RIBC1: variants seen among roughly 807,000 people sequenced by gnomAD.
RIBC1 encodes RIB43A-like with coiled-coils protein 1.
A neutral mutation model predicts 33.7 loss-of-function variants in RIBC1; 12 were observed. That is an observed-to-expected ratio of 0.36 (90% CI 0.23 to 0.58). The LOEUF is 0.58. Among genes scored for constraint, RIBC1 ranks in the 20% least tolerant of loss-of-function variants. The pLI is 0.81. For missense variants in RIBC1, 242 were observed against 311.6 expected, an observed-to-expected ratio of 0.78 and a Z score of 1.68; for synonymous variants, 89 against 109.0, an observed-to-expected ratio of 0.82 and a Z score of 1.14.
At chrX:53,430,330 C>G in intron 6 of RIBC1, 66 bp from the exon 7 acceptor site, 1 of 943,908 alleles carries the variant, frequency 1.1e-6, no homozygotes, top group South Asian at 2.3e-5. Context: ...CCATGTTCCC[C>G]CCTCCCCTGT....
chrX:53,426,415 T>C, intron 3 of RIBC1, 22 bp downstream of exon 3: 1 of 1,031,745 alleles, frequency 9.7e-7, no homozygotes, highest in South Asian at 2.0e-5. Context: ...GTAGGGACTG[T>C]TGCTCAGGAT....
At chrX:53,426,179 A>T (rs1442754333) in intron 2 of RIBC1, 98 bp from the exon 3 acceptor site, 2 of 547,123 alleles carry the variant, frequency 3.7e-6, no homozygotes, top group African/African-American at 2.3e-5. Context: ...AGGAATCAAT[A>T]ACTGCTGAAA....
rs782603286 is a variant in RIBC1 at position 53,430,479 on chromosome X, G to A, written c.747G>A (p.Thr249=). ...TTGCGGAGATCCAGCACCAGAGCAC[G>A]AGTGACCTACTGACTGAAAACCCCC... ...ANLAEIQHQS[T]SDLLTENPQV... Residue 249 remains threonine (T), a synonymous_variant, in exon 7 of 8, where the codon ACG becomes ACA. Transcript: ENST00000375327. 16 of 1,209,191 alleles carry A rather than the reference G, an allele frequency of 1.3e-5. No individual in the cohort carries two copies. Among genetic ancestry groups the A allele is most frequent in the South Asian group, 1.8e-5 (1 of 56,763 alleles).
At chrX:53,430,269 T>C (rs2075815815) in intron 6 of RIBC1, 127 bp from the exon 7 acceptor site, 2 of 565,725 alleles carry the variant, frequency 3.5e-6, no homozygotes, top group South Asian at 3.1e-5. Flanking sequence ...ATTAGGGGCA[T>C]TGAAAGGCCA....
chrX:53,425,539 A>G lies in RIBC1; in HGVS notation c.1-738A>G, dbSNP rs1161880997. On this transcript the variant is annotated intron_variant, in intron 2 of 7. Coordinates refer to ENST00000375327, the MANE Select transcript of RIBC1 (RefSeq NM_001031745.5). ...GTAAAAAAAAAAAAAAAAAAAAAAA[A>G]AAGGGTGGGGGGACATATATTTCAG... Among the ~76,000 whole-genome samples the G allele has an allele frequency of 2.8e-5, 3 of 107,801 alleles. 1 individual carries two copies. In the East Asian group the frequency reaches 8.6e-4, roughly 31 times the overall value. The allele number at this position is 107,801 out of a possible 115,157, so 93.6% of individuals were successfully genotyped here.
chrX:53,423,847 G>C (rs2075775643), intron 2 of RIBC1, among the ~76,000 whole-genome samples: 1 of 111,912 alleles, frequency 8.9e-6, no homozygotes, highest in Non-Finnish European at 1.9e-5. Context: ...GGCAGGCCAA[G>C]GCAGGAGGAT....
intron 2 of RIBC1, among the ~76,000 whole-genome samples, chrX:53,423,975 G>A (rs1436149753): frequency 1.8e-5 from 2 of 111,334 alleles, no homozygotes; most frequent in Non-Finnish European, 3.8e-5. Context: ...CCAGGATGCC[G>A]AAGCAGGAGG....
At position 53,431,019 on chromosome X, in the gene RIBC1, C is replaced by G. The variant is rs2075822240; in HGVS notation, c.*31C>G. 1.5e-5 allele frequency: 18 copies of G among 1,211,017 alleles called. No individual in the cohort carries two copies. The highest frequency in any genetic ancestry group is 2.0e-5 in the Non-Finnish European group (18 of 895,281). ...GGATGTCTATCTCTCTCTCCCTTCT[C>G]CTCCATCAAGCTCACAGGTGGTTAG... On this transcript the variant is annotated 3_prime_UTR_variant, in exon 8 of 8. Transcript: ENST00000375327.
chrX:53,430,436 G>C lies in RIBC1; in HGVS notation c.704G>C (p.Arg235Pro), dbSNP rs781950833. 8.3e-7 allele frequency: 1 copy of C among 1,211,390 alleles called. No homozygotes were observed. The highest frequency in any genetic ancestry group is 1.1e-6 in the Non-Finnish European group (1 of 895,215). The change falls in exon 7 of 8, where the codon CGT becomes CCT. Residue 235 changes from arginine to proline, a missense_variant. Transcript: ENST00000375327. ...GGGCGTCAGCGCTGTGAGCGTCAGC[G>C]TGAACAGAAGGCCAACCTTGCGGAG... ...QAGRQRCERQREQKANLAEIQ... is the reference protein window; with the variant it reads ...QAGRQRCERQPEQKANLAEIQ...
At chrX:53,429,544 C>A (rs962282389) in intron 5 of RIBC1, 11 of 332,971 alleles carry the variant, frequency 3.3e-5, no homozygotes, top group Admixed American at 5.4e-5. Context: ...TCGATGGTAT[C>A]ATTAGAACCC....
chrX:53,430,771 G>A lies in RIBC1; in HGVS notation c.1039G>A (p.Ala347Thr), dbSNP rs145284524. Reference sequence around the variant, plus strand: ...TCTAGGATCCTTCAACCAGCAGCTGGCTAATGAGCAAAAAGCCCAGTGAGT... The same window carrying A: ...TCTAGGATCCTTCAACCAGCAGCTGACTAATGAGCAAAAAGCCCAGTGAGT... ...RGLGSFNQQL[A>T]NEQKAQQDYL... The change falls in exon 7 of 8, where the codon GCT becomes ACT. Residue 347 changes from alanine (A) to threonine (T), a missense_variant. Ala to Thr is a moderately conservative substitution (Grantham distance 58). Coordinates refer to ENST00000375327, the MANE Select transcript of RIBC1 (RefSeq NM_001031745.5). The A allele has an allele frequency of 2.5e-6, 3 of 1,203,499 alleles. No homozygotes were observed. In the African/African-American group the frequency reaches 5.3e-5, roughly 21 times the overall value.
In RIBC1 at chrX:53,426,847, G is replaced by A. The variant is rs148946039; in HGVS notation, c.117+454G>A. Among the ~76,000 whole-genome samples the A allele has an allele frequency of 2.0e-3, 218 of 111,726 alleles. 2 individuals carry two copies. The highest frequency in any genetic ancestry group is 3.8e-3 in the Non-Finnish European group (201 of 53,087). ...CTGAAAATACAAAAATTAGCTGGGCGTGGTTGTGCATGCCTATAATCCCAG... is the reference window on the plus strand; with the variant it reads ...CTGAAAATACAAAAATTAGCTGGGCATGGTTGTGCATGCCTATAATCCCAG... On this transcript the variant is annotated intron_variant, in intron 3 of 7. Transcript: ENST00000375327.
chrX:53,428,361 A>G lies in RIBC1; in HGVS notation c.278A>G (p.Lys93Arg), dbSNP rs782781544. Reference protein sequence around the residue: ...EEADRTRQLAKKVQEFREQKQ... With the variant: ...EEADRTRQLARKVQEFREQKQ... ...GCAGATCGAACACGTCAGCTGGCCA[A>G]GAAAGTCCAGGAGTTTCGGGAGCAG... The change falls in exon 5 of 8, where the codon AAG becomes AGG. Residue 93 changes from lysine (K) to arginine (R), a missense_variant. Transcript: ENST00000375327. 8.3e-7 allele frequency: 1 copy of G among 1,212,063 alleles called. No homozygotes were observed. Among genetic ancestry groups the G allele is most frequent in the South Asian group, 1.8e-5 (1 of 56,996 alleles).
chrX:53,423,180 G>C (rs1569362253), intron 1 of RIBC1, 134 bp from the exon 2 acceptor site: 1 of 141,055 alleles, frequency 7.1e-6, no homozygotes, highest in Non-Finnish European at 1.4e-5. Context: ...GATTGGTGGC[G>C]GGACGGGTTG....
At chrX:53,423,863 G>A (rs1267131742) in intron 2 of RIBC1, among the ~76,000 whole-genome samples, 1 of 111,666 alleles carries the variant, frequency 9.0e-6, no homozygotes, top group Non-Finnish European at 1.9e-5. Context: ...AGGATCACTT[G>A]AGACCAGCAG....
At position 53,431,008 on chromosome X, in the gene RIBC1, C is replaced by T; in HGVS notation, c.*20C>T. The T allele has an allele frequency of 1.7e-6, 2 of 1,211,642 alleles. No homozygotes were observed. The highest frequency in any genetic ancestry group is 2.2e-6 in the Non-Finnish European group (2 of 895,332). Reference sequence around the variant, plus strand: ...CGCTAAGTTCAGGATGTCTATCTCTCTCTCCCTTCTCCTCCATCAAGCTCA... The same window carrying T: ...CGCTAAGTTCAGGATGTCTATCTCTTTCTCCCTTCTCCTCCATCAAGCTCA... On this transcript the variant is annotated 3_prime_UTR_variant, in exon 8 of 8. Coordinates refer to ENST00000375327, the MANE Select transcript of RIBC1 (RefSeq NM_001031745.5).
rs144744775 is a variant in RIBC1, at chrX:53,428,056, A to G, written c.171A>G (p.Ala57=). The G allele has an allele frequency of 1.3e-4, 163 of 1,210,218 alleles. No homozygotes were observed. The highest frequency in any genetic ancestry group is 1.8e-4 in the Non-Finnish European group (158 of 895,145). The change falls in exon 4 of 8, where the codon GCA becomes GCG. Residue 57 remains alanine (A), a synonymous_variant. Coordinates refer to ENST00000375327, the MANE Select transcript of RIBC1 (RefSeq NM_001031745.5). ...TGGGAGACCGAAAGCGTCGGGAAGC[A>G]GCAGAAAGAAGCAAGGAGGCAGCTT... ...NQVGDRKRRE[A]AERSKEAAYG...
At chrX:53,426,503 C>T (rs2075792797) in intron 3 of RIBC1, 110 bp downstream of exon 3, 7 of 542,296 alleles carry the variant, frequency 1.3e-5, no homozygotes, top group Non-Finnish European at 3.0e-6. Flanking sequence ...TTCAAGTAGG[C>T]CCCTAGGGCA....
chrX:53,426,541 C>T, intron 3 of RIBC1, 148 bp downstream of exon 3: 2 of 464,258 alleles, frequency 4.3e-6, no homozygotes, highest in East Asian at 3.8e-5. Flanking sequence ...AGAGAAGGCA[C>T]CCACCCCTAC....
Sources: allele counts gnomAD v4.1 joint callset (sites outside exome capture counted in the v4.1 genomes callset), GRCh38; gene constraint gnomAD v4.1.1; transcripts MANE v1.5; gene names NCBI Gene and HGNC (gene_info 2026-07-23, HGNC 2026-07-21).